Variants in STPG2 observed in about 807,000 individuals in gnomAD.
The protein encoded by STPG2 is sperm tail PG-rich repeat containing 2, also known as sperm-tail PG-rich repeat-containing protein 2.
In STPG2, 56 loss-of-function variants were observed where a neutral mutation model predicts 54.2. The ratio of observed to expected loss-of-function variants is 1.03; its 90% CI spans 0.83 to 1.29. The LOEUF (loss-of-function observed/expected upper bound fraction) is 1.29, where lower values mean the gene tolerates loss of function less well. Ranked by LOEUF, STPG2 falls within the 50% of genes most tolerant of loss-of-function variation. The pLI is 0.00. For missense variants in STPG2, 596 were observed against 544.9 expected (o/e 1.09, Z -0.93); for synonymous variants, 200 against 181.8 (o/e 1.10, Z -0.81).
chr4:97,482,418 G>A (rs2148821770), intron 4 of STPG2, among the ~76,000 whole-genome samples: 1 of 151,572 alleles, frequency 6.6e-6, no homozygotes, highest in African/African-American at 2.4e-5. Flanking sequence ...AAATGCTCTG[G>A]GATGTCTAAG....
At chr4:97,841,342 G>A (rs972607580) in intron 8 of STPG2, among the ~76,000 whole-genome samples, 2 of 151,556 alleles carry the variant, frequency 1.3e-5, no homozygotes. Context: ...AAATGAGACT[G>A]CTTATTTCAT....
intron 9 of STPG2, among the ~76,000 whole-genome samples, chr4:97,798,620 G>T (rs1242960937): frequency 7.0e-6 from 1 of 143,612 alleles, no homozygotes; most frequent in Admixed American, 7.2e-5. Flanking sequence ...GTCAATTTTG[G>T]AATAAGTGTG....
intron 8 of STPG2, among the ~76,000 whole-genome samples, chr4:97,939,836 T>C (rs1242964083): frequency 6.6e-6 from 1 of 152,204 alleles, no homozygotes; most frequent in Admixed American, 6.5e-5. Context: ...GATTTGATCC[T>C]GGCATTGTGC....
At chr4:98,111,219 A>G (rs1033008538) in intron 3 of STPG2, among the ~76,000 whole-genome samples, 3 of 151,972 alleles carry the variant, frequency 2.0e-5, no homozygotes, top group Non-Finnish European at 2.9e-5. Flanking sequence ...ACCTCATTAC[A>G]TTTGAAAAGA....
chr4:98,078,650 CA>C (rs1254867730), intron 5 of STPG2, among the ~76,000 whole-genome samples: 1 of 151,908 alleles, frequency 6.6e-6, no homozygotes, highest in Non-Finnish European at 1.5e-5. Flanking sequence ...GATATCTTCC[CA>C]TCATTTACAC....
At chr4:97,944,273 A>G (rs1235714242) in intron 7 of STPG2, among the ~76,000 whole-genome samples, 1 of 152,068 alleles carries the variant, frequency 6.6e-6, no homozygotes, top group Non-Finnish European at 1.5e-5. Context: ...CATATTAGCT[A>G]TGTTCTATTT....
intron 10 of STPG2, among the ~76,000 whole-genome samples, chr4:97,611,590 T>G (rs1003329184): frequency 6.6e-6 from 1 of 151,854 alleles, no homozygotes; most frequent in Non-Finnish European, 1.5e-5. Flanking sequence ...GCAAAAGCAA[T>G]GACTAGAATT....
chr4:97,944,500 G>T (rs1733124545), intron 7 of STPG2, among the ~76,000 whole-genome samples: 1 of 151,760 alleles, frequency 6.6e-6, no homozygotes, highest in African/African-American at 2.4e-5. Context: ...AAATTAATAG[G>T]CTAGAGGAAT....
intron 5 of STPG2, among the ~76,000 whole-genome samples, chr4:98,023,994 T>TTCG (rs1736328661): frequency 6.6e-6 from 1 of 152,160 alleles, no homozygotes; most frequent in Non-Finnish European, 1.5e-5. Context: ...AGTGAGGCAA[T>TTCG]GCCTCACCCT....
At chr4:97,978,872 T>C (rs1160300238) in intron 6 of STPG2, among the ~76,000 whole-genome samples, 1 of 152,160 alleles carries the variant, frequency 6.6e-6, no homozygotes, top group Non-Finnish European at 1.5e-5. Context: ...GAAATATTTA[T>C]GGTAATCCCT....
At position 97,945,716 on chromosome 4, in the gene STPG2, A is replaced by G. The variant is rs192681005; in HGVS notation, c.934-1709T>C. 2.5e-4 allele frequency among the ~76,000 whole-genome samples: 37 copies of G among 149,586 alleles called. 1 individual carries two copies. The highest frequency in any genetic ancestry group is 7.8e-4 in the African/African-American group (32 of 41,164). On this transcript the variant is annotated intron_variant, in intron 7 of 10. Coordinates refer to ENST00000295268, the MANE Select transcript of STPG2 (RefSeq NM_174952.3). ...TTCTCTTTTCAAGACCCCAACATCT[A>G]TTGTTTTTTTGGGTTTGTTTATTGG... is the stretch of plus-strand genomic sequence containing the variant.
intron 9 of STPG2, among the ~76,000 whole-genome samples, chr4:97,805,017 C>A (rs1168389748): frequency 6.6e-6 from 1 of 152,100 alleles, no homozygotes; most frequent in East Asian, 1.9e-4. Context: ...TATTACCTAA[C>A]AACATATTTC....
rs138567686 is a variant in STPG2 at position 97,683,337 on chromosome 4, A to T, written c.1320+29362T>A. ...AATTAAGTGACATTTCCAGAGAATC[A>T]TGCTTCATAAATCAATAATTTCAGA... On this transcript the variant is annotated intron_variant, in intron 10 of 10. Coordinates refer to ENST00000295268, the MANE Select transcript of STPG2 (RefSeq NM_174952.3). Among the ~76,000 whole-genome samples, 359 of 151,924 alleles carry T rather than the reference A, an allele frequency of 2.4e-3. 2 individuals carry two copies. Among genetic ancestry groups the T allele is most frequent in the Non-Finnish European group, 3.1e-3 (212 of 67,714 alleles).
At chr4:97,540,873 T>C (rs891916722) in intron 4 of STPG2, among the ~76,000 whole-genome samples, 3 of 152,060 alleles carry the variant, frequency 2.0e-5, no homozygotes, top group Admixed American at 1.3e-4. Flanking sequence ...AAAAACCACA[T>C]GATTATCTCA....
chr4:97,598,820 T>G (rs539932074), intron 10 of STPG2, among the ~76,000 whole-genome samples: 9 of 152,156 alleles, frequency 5.9e-5, no homozygotes, highest in African/African-American at 2.2e-4. Flanking sequence ...ATAAAAACCC[T>G]GAGAGATAAC....
intron 9 of STPG2, among the ~76,000 whole-genome samples, chr4:97,807,051 T>C (rs1191916481): frequency 1.3e-5 from 2 of 151,970 alleles, no homozygotes; most frequent in African/African-American, 2.4e-5. Context: ...TTATGTTACA[T>C]ATTCCATTAT....
At chr4:97,724,893 A>G (rs1724567207) in intron 9 of STPG2, among the ~76,000 whole-genome samples, 1 of 152,158 alleles carries the variant, frequency 6.6e-6, no homozygotes, top group Non-Finnish European at 1.5e-5. Context: ...TTTAATTTAA[A>G]AATTGCTTAT....
intron 5 of STPG2, among the ~76,000 whole-genome samples, chr4:98,104,933 G>A (rs893344133): frequency 6.6e-6 from 1 of 152,104 alleles, no homozygotes; most frequent in South Asian, 2.1e-4. Context: ...TGGACAAACT[G>A]CAACCTAACT....
rs554295410 is a variant in STPG2 at position 97,720,000 on chromosome 4, T to C, written c.1205-7186A>G. Reference sequence around the variant, plus strand: ...GCTAGGAAAAAGACTTTCTTTTCAGTATACATCCTTCACTCAGTATGAATT... The same window carrying C: ...GCTAGGAAAAAGACTTTCTTTTCAGCATACATCCTTCACTCAGTATGAATT... On this transcript the variant is annotated intron_variant, in intron 9 of 10. Coordinates refer to ENST00000295268, the MANE Select transcript of STPG2 (RefSeq NM_174952.3). Among the ~76,000 whole-genome samples the C allele has an allele frequency of 2.6e-5, 4 of 151,962 alleles. No homozygotes were observed. The South Asian group carries it at 8.3e-4, about 31-fold the overall frequency.
Sources: gnomAD v4.1 joint callset for allele counts (sites outside exome capture counted in the v4.1 genomes callset) on GRCh38, gnomAD v4.1.1 for gene constraint, MANE v1.5 for transcripts, NCBI Gene and HGNC (gene_info 2026-07-23, HGNC 2026-07-21) for gene names.